Variants in EIF5A observed in about 807,000 individuals in gnomAD.
The protein encoded by EIF5A is eukaryotic translation initiation factor 5A.
In EIF5A, 1 loss-of-function variant was observed where a neutral mutation model predicts 16.6. That is an observed-to-expected ratio of 0.06 (90% CI 0.02 to 0.28). EIF5A has a LOEUF of 0.28. Among genes scored for constraint, EIF5A ranks in the 10% least tolerant of loss-of-function variants. EIF5A has a pLI of 1.00. For missense variants in EIF5A, 29 were observed against 196.1 expected (o/e 0.15, Z 5.09); for synonymous variants, 80 against 73.6 (o/e 1.09, Z -0.44).
Position 7,311,373 on chromosome 17 carries a change from C to T in EIF5A, c.294C>T (p.Tyr98=), listed in dbSNP as rs1335642740. The T allele has an allele frequency of 6.2e-7, 1 of 1,614,008 alleles. No homozygotes were observed. The highest frequency in any genetic ancestry group is 1.3e-5 in the African/African-American group (1 of 74,904). The part of the protein sequence containing the change: ...DFQLIGIQDG[Y]LSLLQDSGEV... ...AGCTGATTGGCATCCAGGATGGGTACCTATCACTGCTCCAGGACAGCGGGG... is the reference window on the plus strand; with the variant it reads ...AGCTGATTGGCATCCAGGATGGGTATCTATCACTGCTCCAGGACAGCGGGG... Residue 98 remains tyrosine, a synonymous_variant, in exon 4 of 6, where the codon TAC becomes TAT. Transcript: ENST00000336458.
At position 7,308,050 on chromosome 17, in the gene EIF5A, G is replaced by C. The variant is rs1190167942; in HGVS notation, c.-22+298G>C. The stretch of plus-strand genomic sequence containing the variant: ...ACGCCGGGGCGAGGGCCAGGGGCCA[G>C]ATCGGCCCACCGGGGCAAGGGTACC... On this transcript the variant is annotated intron_variant, in intron 1 of 5. Transcript: ENST00000336458. 3.0e-6 allele frequency: 3 copies of C among 986,388 alleles called. No homozygotes were observed. The African/African-American group carries it at 5.3e-5, about 17-fold the overall frequency. The allele number at this position is 986,388 out of a possible 1,614,324, so 61.1% of individuals were successfully genotyped here. A position where few individuals can be genotyped will look rare whatever the true frequency, so the allele number is the denominator to read the frequency against.
At chr17:7,307,597 CT>C (rs1253490799), upstream of EIF5A, 1 of 1,016,482 alleles carries the variant, frequency 9.8e-7, no homozygotes, top group African/African-American at 1.7e-5. Flanking sequence ...CATAGGGCTG[CT>C]TGGTTGGTCA....
At chr17:7,309,896 C>G in intron 2 of EIF5A, 96 bp downstream of exon 2, 2 of 1,612,222 alleles carry the variant, frequency 1.2e-6, no homozygotes, top group Non-Finnish European at 1.7e-6. Context: ...TTTCCTTTAA[C>G]TCTGCTTTTA....
chr17:7,309,179 C>T (rs1377055872), intron 1 of EIF5A, among the ~76,000 whole-genome samples: 3 of 138,462 alleles, frequency 2.2e-5, no homozygotes, highest in Non-Finnish European at 4.8e-5. Flanking sequence ...CCGGTCTCCA[C>T]CCTCCCCCCC....
At chr17:7,307,375 G>A, upstream of EIF5A, 1 of 1,230,614 alleles carries the variant, frequency 8.1e-7, no homozygotes, top group Non-Finnish European at 1.0e-6. Context: ...CTATCAAGGG[G>A]AGGGAAGATG....
At position 7,308,717 on chromosome 17, in the gene EIF5A, T is replaced by C. The variant is rs2072715876; in HGVS notation, c.-21-898T>C. On this transcript the variant is annotated intron_variant, in intron 1 of 5. Coordinates refer to ENST00000336458, the MANE Select transcript of EIF5A (RefSeq NM_001970.5). Reference sequence around the variant, plus strand: ...GAGTTTCCCACCGTGATAGGCGTTCTTCACCTTGTCACTGTCTTCCTGTTG... The same window carrying C: ...GAGTTTCCCACCGTGATAGGCGTTCCTCACCTTGTCACTGTCTTCCTGTTG... The C allele has an allele frequency of 4.9e-6, 3 of 614,332 alleles. No homozygotes were observed. In the African/African-American group the frequency reaches 5.9e-5, roughly 12 times the overall value. 38.1% of individuals were successfully genotyped at this position (614,332 alleles called of 1,614,324 possible).
In EIF5A at chr17:7,311,869, T is replaced by TC; in HGVS notation, c.*63dup. On this transcript the variant is annotated 3_prime_UTR_variant, in exon 6 of 6. Coordinates refer to ENST00000336458, the MANE Select transcript of EIF5A (RefSeq NM_001970.5). ...ATCCTCTGAACCTGCAGAGGCCCCC[T>TC]CCCCGAGCCTGGCCTGGCTCTGGCC... 1.5e-6 allele frequency: 1 copy of TC among 658,434 alleles called. No individual in the cohort carries two copies. Among genetic ancestry groups the TC allele is most frequent in the East Asian group, 2.8e-5 (1 of 36,024 alleles). The allele number at this position is 658,434 out of a possible 1,614,324, so 40.8% of individuals were successfully genotyped here.
At chr17:7,307,589 T>A, upstream of EIF5A, 2 of 1,011,584 alleles carry the variant, frequency 2.0e-6, no homozygotes, top group Non-Finnish European at 2.4e-6. Flanking sequence ...GCGGCTGTCA[T>A]AGGGCTGCTT....
intron 2 of EIF5A, chr17:7,310,080 TCTAG>T: frequency 7.1e-7 from 1 of 1,417,358 alleles, no homozygotes; most frequent in South Asian, 1.2e-5. Flanking sequence ...GCCTTTATGC[TCTAG>T]CTATTCAGTT....
upstream of EIF5A, chr17:7,307,526 T>C: frequency 1.0e-6 from 1 of 1,003,442 alleles, no homozygotes; most frequent in Non-Finnish European, 1.2e-6. Flanking sequence ...GTAGGGTGTG[T>C]GCGCTTGCGC....
intron 2 of EIF5A, 162 bp downstream of exon 2, chr17:7,309,962 C>G: frequency 3.2e-6 from 5 of 1,543,990 alleles, no homozygotes; most frequent in Non-Finnish European, 4.4e-6. Context: ...GACAACTACA[C>G]CTGCTCCCCA....
chr17:7,308,223 C>CT, intron 1 of EIF5A: 1 of 1,022,138 alleles, frequency 9.8e-7, no homozygotes, highest in Middle Eastern at 4.7e-4. Flanking sequence ...GAGGAGGGGG[C>CT]GGCCGCGGCA....
At chr17:7,307,051 G>A, upstream of EIF5A, 3 of 1,598,572 alleles carry the variant, frequency 1.9e-6, no homozygotes, top group South Asian at 2.3e-5. Context: ...CCGCGCATGT[G>A]TGGAACTGGG....
intron 2 of EIF5A, chr17:7,310,196 C>T (rs1245438545): frequency 2.3e-6 from 3 of 1,292,148 alleles, no homozygotes; most frequent in Non-Finnish European, 3.0e-6. Flanking sequence ...AATTCTACGC[C>T]TTCCCCTGGA....
intron 1 of EIF5A, chr17:7,308,012 C>T (rs1161243095): frequency 8.1e-6 from 8 of 985,372 alleles, no homozygotes; most frequent in Non-Finnish European, 9.6e-6. Context: ...GCGGGAGAGG[C>T]CGCCAGGCGG....
chr17:7,309,137 G>A (rs1308897594), intron 1 of EIF5A, among the ~76,000 whole-genome samples: 1 of 151,868 alleles, frequency 6.6e-6, no homozygotes, highest in Non-Finnish European at 1.5e-5. Flanking sequence ...GATGGGGGGG[G>A]GCAGTGTAAC....
At chr17:7,308,679 G>T in intron 1 of EIF5A, 1 of 1,029,580 alleles carries the variant, frequency 9.7e-7, no homozygotes, top group Non-Finnish European at 1.3e-6. Flanking sequence ...GCGCCTAAAA[G>T]CCTCAGGCAG....
At chr17:7,308,338 G>A (rs2072696534) in intron 1 of EIF5A, 2 of 1,171,526 alleles carry the variant, frequency 1.7e-6, no homozygotes, top group Admixed American at 3.8e-5. Flanking sequence ...CCCAGGTCCC[G>A]GCCACCGGAA....
chr17:7,310,238 T>TCAC (rs1223282084), intron 2 of EIF5A: 1 of 1,290,108 alleles, frequency 7.8e-7, no homozygotes, highest in Non-Finnish European at 1.0e-6. Context: ...AGCTTTCAGG[T>TCAC]CACCTTGCTG....
Sources: gnomAD v4.1 joint callset for allele counts (sites outside exome capture counted in the v4.1 genomes callset) on GRCh38, gnomAD v4.1.1 for gene constraint, MANE v1.5 for transcripts, NCBI Gene and HGNC (gene_info 2026-07-23, HGNC 2026-07-21) for gene names.